CADM2: variants seen among roughly 807,000 people sequenced by gnomAD.
The protein encoded by CADM2 is cell adhesion molecule 2.
Under a neutral mutation model 49.8 loss-of-function variants are expected in CADM2, and 12 were observed. That is an observed-to-expected ratio of 0.24 (90% confidence interval 0.15 to 0.39). CADM2 has a LOEUF of 0.39. Among genes scored for constraint, CADM2 ranks in the 10% least tolerant of loss-of-function variants. CADM2 has a pLI of 1.00. For missense variants in CADM2, 378 were observed against 492.3 expected, an observed-to-expected ratio of 0.77 and a Z score of 2.20; for synonymous variants, 214 against 175.4, an observed-to-expected ratio of 1.22 and a Z score of -1.74.
At chr3:85,436,687 G>C (rs2036947567) in intron 1 of CADM2, among the ~76,000 whole-genome samples, 1 of 152,124 alleles carries the variant, frequency 6.6e-6, no homozygotes, top group African/African-American at 2.4e-5. Context: ...ACATTTTAAA[G>C]TAAACTTTTT....
At chr3:85,785,685 A>G (rs376046090) in intron 2 of CADM2, among the ~76,000 whole-genome samples, 20 of 152,078 alleles carry the variant, frequency 1.3e-4, no homozygotes, top group African/African-American at 3.9e-4. Context: ...AGCCATTTGT[A>G]CTAAAGATTA....
At chr3:85,495,142 T>C (rs1295146117) in intron 1 of CADM2, among the ~76,000 whole-genome samples, 2 of 152,176 alleles carry the variant, frequency 1.3e-5, no homozygotes, top group Non-Finnish European at 2.9e-5. Context: ...TTTTTAATTA[T>C]AATTCCAACA....
At chr3:85,391,335 G>T (rs1269571628) in intron 1 of CADM2, among the ~76,000 whole-genome samples, 1 of 152,040 alleles carries the variant, frequency 6.6e-6, no homozygotes, top group African/African-American at 2.4e-5. Context: ...ATAGAAGAAT[G>T]CTAAAGAGTG....
At chr3:85,402,177 C>T (rs1159855219) in intron 1 of CADM2, among the ~76,000 whole-genome samples, 1 of 151,874 alleles carries the variant, frequency 6.6e-6, no homozygotes, top group Non-Finnish European at 1.5e-5. Flanking sequence ...CAATAAAGAC[C>T]ATTTCTGTGA....
intron 3 of CADM2, among the ~76,000 whole-genome samples, chr3:85,858,197 G>A (rs975544348): frequency 4.6e-5 from 7 of 152,172 alleles, no homozygotes; most frequent in Non-Finnish European, 4.4e-5. Context: ...AGTTGTGATA[G>A]CATATGCTTA....
chr3:85,411,550 A>T (rs2035657294), intron 1 of CADM2, among the ~76,000 whole-genome samples: 1 of 152,194 alleles, frequency 6.6e-6, no homozygotes, highest in South Asian at 2.1e-4. Context: ...TATCTTTGAT[A>T]AAAATGTCAC....
At chr3:85,881,282 TTTTA>T (rs1278611304) in intron 3 of CADM2, among the ~76,000 whole-genome samples, 1 of 152,140 alleles carries the variant, frequency 6.6e-6, no homozygotes, top group African/African-American at 2.4e-5. Flanking sequence ...TTTCTGTTTT[TTTTA>T]TTTGTGTCAA....
intron 1 of CADM2, among the ~76,000 whole-genome samples, chr3:85,055,405 G>A (rs1433804395): frequency 6.6e-6 from 1 of 151,966 alleles, no homozygotes; most frequent in Non-Finnish European, 1.5e-5. Context: ...TTAATAAAAT[G>A]AAATTGCATG....
chr3:85,004,446 C>T (rs1872555), intron 1 of CADM2, among the ~76,000 whole-genome samples: 13,718 of 152,132 alleles, frequency 0.09, 836 homozygotes, highest in Non-Finnish European at 0.14. Context: ...GTTCTCAAGA[C>T]ACTTCCCTTT....
At chr3:85,512,398 T>A (rs2040660071) in intron 1 of CADM2, among the ~76,000 whole-genome samples, 1 of 152,120 alleles carries the variant, frequency 6.6e-6, no homozygotes, top group Non-Finnish European at 1.5e-5. Context: ...GCACCAGATT[T>A]TCTTTATCCA....
intron 2 of CADM2, among the ~76,000 whole-genome samples, chr3:85,745,573 A>G (rs912929243): frequency 6.6e-6 from 1 of 152,120 alleles, no homozygotes; most frequent in Non-Finnish European, 1.5e-5. Context: ...TTATATAAAG[A>G]GTGTTACGTG....
rs113062746 is a variant in CADM2 at position 86,029,506 on chromosome 3, A to G, written c.971-36099A>G. Among the ~76,000 whole-genome samples, 878 of 152,102 alleles carry G rather than the reference A, an allele frequency of 5.8e-3. 10 individuals carry two copies. The highest frequency in any genetic ancestry group is 0.019 in the African/African-American group (789 of 41,540). ...GAGAGAGTTTGGGTTAGAAAATAAC[A>G]GGATTTGGGACTCCATATTTAAACA... is the stretch of plus-strand genomic sequence containing the variant. On this transcript the variant is annotated intron_variant, in intron 8 of 9. Coordinates refer to ENST00000383699, the MANE Select transcript of CADM2 (RefSeq NM_001167675.2).
At chr3:85,141,043 A>T (rs1269741443) in intron 1 of CADM2, among the ~76,000 whole-genome samples, 1 of 152,156 alleles carries the variant, frequency 6.6e-6, no homozygotes, top group African/African-American at 2.4e-5. Flanking sequence ...GACTAAATAT[A>T]TGTATTAGTA....
intron 1 of CADM2, among the ~76,000 whole-genome samples, chr3:85,148,332 G>A (rs543020829): frequency 4.7e-4 from 72 of 152,024 alleles, no homozygotes; most frequent in Non-Finnish European, 9.7e-4. Context: ...TGAGATGAGG[G>A]GCAGCACACT....
At chr3:85,300,895 A>G (rs562482461) in intron 1 of CADM2, among the ~76,000 whole-genome samples, 14 of 152,162 alleles carry the variant, frequency 9.2e-5, no homozygotes, top group Middle Eastern at 3.4e-3. Flanking sequence ...CTAAACAAAT[A>G]CATGTATAAT....
intron 3 of CADM2, among the ~76,000 whole-genome samples, chr3:85,881,941 C>G (rs1379692064): frequency 6.6e-6 from 1 of 152,118 alleles, no homozygotes; most frequent in Non-Finnish European, 1.5e-5. Context: ...AGGGTTCACT[C>G]TCCTATAAGA....
chr3:85,370,176 G>T (rs2033109984), intron 1 of CADM2, among the ~76,000 whole-genome samples: 2 of 149,486 alleles, frequency 1.3e-5, no homozygotes, highest in African/African-American at 4.9e-5. Flanking sequence ...TAGCGCCATT[G>T]CAATCCAGCC....
chr3:85,235,804 A>G (rs2042395244), intron 1 of CADM2, among the ~76,000 whole-genome samples: 1 of 151,902 alleles, frequency 6.6e-6, no homozygotes, highest in African/African-American at 2.4e-5. Flanking sequence ...TGCTTTCTTT[A>G]TGTTTTCAGT....
intron 1 of CADM2, among the ~76,000 whole-genome samples, chr3:85,042,664 C>T (rs2035487552): frequency 6.6e-6 from 1 of 152,162 alleles, no homozygotes; most frequent in South Asian, 2.1e-4. Flanking sequence ...ATATGCATTA[C>T]AGCAGAACAG....
Sources: gnomAD v4.1 joint callset for allele counts (sites outside exome capture counted in the v4.1 genomes callset) on GRCh38, gnomAD v4.1.1 for gene constraint, MANE v1.5 for transcripts, NCBI Gene and HGNC (gene_info 2026-07-23, HGNC 2026-07-21) for gene names.